CLASP2: variants seen among roughly 807,000 people sequenced by gnomAD.
CLASP2 encodes cytoplasmic linker associated protein 2.
A neutral mutation model predicts 194.4 loss-of-function variants in CLASP2; 47 were observed. The observed-to-expected ratio is 0.24, with a 90% CI of 0.19 to 0.31. CLASP2 has a LOEUF of 0.31. CLASP2 is among the 10% of genes least tolerant of loss of function. The probability of loss-of-function intolerance (pLI) is 1.00; values close to 1 mark genes in which losing one functional copy is unlikely to be tolerated. For missense variants in CLASP2, 1,445 were observed against 1,823.6 expected, an observed-to-expected ratio of 0.79 and a Z score of 3.78; for synonymous variants, 619 against 633.5, an observed-to-expected ratio of 0.98 and a Z score of 0.34.
At chr3:33,586,668 C>T (rs1354248192) in intron 21 of CLASP2, among the ~76,000 whole-genome samples, 1 of 152,058 alleles carries the variant, frequency 6.6e-6, no homozygotes, top group Non-Finnish European at 1.5e-5. Flanking sequence ...AAGATATAAT[C>T]TAAATGTAGA....
intron 12 of CLASP2, among the ~76,000 whole-genome samples, chr3:33,616,812 A>C (rs2076258836): frequency 7.4e-6 from 1 of 135,328 alleles, no homozygotes; most frequent in Non-Finnish European, 1.5e-5. Context: ...ATCTCGGCTC[A>C]CTGCAACCTC....
intron 21 of CLASP2, among the ~76,000 whole-genome samples, chr3:33,586,819 A>G (rs1199518602): frequency 2.0e-5 from 3 of 152,122 alleles, no homozygotes; most frequent in Non-Finnish European, 4.4e-5. Flanking sequence ...ATCAGGCTTC[A>G]TTTCCACAGA....
At chr3:33,549,772 T>C (rs923917020) in intron 30 of CLASP2, among the ~76,000 whole-genome samples, 7 of 151,268 alleles carry the variant, frequency 4.6e-5, no homozygotes, top group Non-Finnish European at 1.0e-4. Context: ...AAGGTCTCAC[T>C]CTGTCACCCA....
At chr3:33,573,555 T>G (rs2064205072) in intron 24 of CLASP2, 2 of 639,632 alleles carry the variant, frequency 3.1e-6, no homozygotes, top group Non-Finnish European at 5.6e-6. Context: ...AAAATAATCC[T>G]TAACTATGGG....
intron 34 of CLASP2, among the ~76,000 whole-genome samples, chr3:33,519,696 TTTTTTTC>T (rs1374327167): frequency 2.0e-5 from 3 of 152,200 alleles, no homozygotes; most frequent in Non-Finnish European, 4.4e-5. Context: ...CTGCTTTAGT[TTTTTTTC>T]TTTTTTCTTT....
intron 1 of CLASP2, among the ~76,000 whole-genome samples, chr3:33,706,798 G>GA (rs963707765): frequency 5.9e-5 from 9 of 151,310 alleles, no homozygotes; most frequent in Non-Finnish European, 1.2e-4. Flanking sequence ...CCTATCTCTA[G>GA]AAAAAAAAAT....
chr3:33,656,681 G>A (rs1440684318), intron 7 of CLASP2, among the ~76,000 whole-genome samples: 1 of 152,086 alleles, frequency 6.6e-6, no homozygotes, highest in Non-Finnish European at 1.5e-5. Flanking sequence ...TTGTACAAAG[G>A]TGCTTATTTC....
At chr3:33,534,825 G>A (rs555787475) in intron 34 of CLASP2, among the ~76,000 whole-genome samples, 1 of 152,264 alleles carries the variant, frequency 6.6e-6, no homozygotes, top group South Asian at 2.1e-4. Flanking sequence ...TCCTTGAAAT[G>A]TATTTTATTA....
chr3:33,583,854 A>G (rs1301512241), intron 22 of CLASP2, among the ~76,000 whole-genome samples: 1 of 152,222 alleles, frequency 6.6e-6, no homozygotes, highest in Non-Finnish European at 1.5e-5. Context: ...ATCAAGTAGC[A>G]GCTATCCTAA....
Position 33,538,785 on chromosome 3 carries a change from T to C in CLASP2, c.3558+4A>G. On this transcript the variant is annotated splice_donor_region_variant and intron_variant, in intron 33 of 38. Coordinates refer to ENST00000682230, the MANE Select transcript of CLASP2 (RefSeq NM_001365631.1). ...CTGGAAAGTAAGGATATTAAAATAC[T>C]TACTGAATCGCCATCATCTTTTTTA... 3 of 1,565,934 alleles carry C rather than the reference T, an allele frequency of 1.9e-6. No individual in the cohort carries two copies. Among genetic ancestry groups the C allele is most frequent in the Non-Finnish European group, 2.6e-6 (3 of 1,159,616 alleles).
In CLASP2 at chr3:33,576,239, G is replaced by A. The variant is rs770540550; in HGVS notation, c.2384C>T (p.Ser795Leu). 8.1e-6 allele frequency: 13 copies of A among 1,613,634 alleles called. No homozygotes were observed. Among genetic ancestry groups the A allele is most frequent in the African/African-American group, 6.7e-5 (5 of 74,892 alleles). Residue 795 changes from serine (S) to leucine (L), a missense_variant, in exon 24 of 39, where the codon TCG becomes TTG. Coordinates refer to ENST00000682230, the MANE Select transcript of CLASP2 (RefSeq NM_001365631.1). ...GYGISQSSRL[S>L]SSVSAMRVLN... ...GACTCGCATGGCACTAACAGAAGAC[G>A]ACAGTCGACTTGATTGGCTGATCCC...
intron 21 of CLASP2, among the ~76,000 whole-genome samples, chr3:33,586,265 G>A (rs1027253374): frequency 2.6e-5 from 4 of 151,992 alleles, no homozygotes; most frequent in African/African-American, 4.8e-5. Context: ...TTCCTGAGTA[G>A]GTGGGATTAT....
intron 33 of CLASP2, among the ~76,000 whole-genome samples, chr3:33,537,863 C>T (rs1036423338): frequency 2.0e-5 from 3 of 152,074 alleles, no homozygotes; most frequent in East Asian, 3.9e-4. Flanking sequence ...CAATGTGGGT[C>T]GGGCGCAGTG....
intron 22 of CLASP2, among the ~76,000 whole-genome samples, chr3:33,582,961 A>G (rs1442238198): frequency 6.6e-6 from 1 of 152,252 alleles, no homozygotes; most frequent in African/African-American, 2.4e-5. Flanking sequence ...CATCTACTCA[A>G]TAAAGACATT....
chr3:33,532,297 A>G (rs1276950356), intron 34 of CLASP2, among the ~76,000 whole-genome samples: 1 of 152,210 alleles, frequency 6.6e-6, no homozygotes, highest in Admixed American at 6.5e-5. Flanking sequence ...GTATGACTCC[A>G]CTTATAGAGT....
At chr3:33,634,080 A>G (rs2079629934) in intron 8 of CLASP2, among the ~76,000 whole-genome samples, 1 of 152,238 alleles carries the variant, frequency 6.6e-6, no homozygotes, top group Non-Finnish European at 1.5e-5. Flanking sequence ...CTCCAAAGAC[A>G]GAGACAGTAA....
At chr3:33,508,007 T>A (rs144398417) in intron 37 of CLASP2, among the ~76,000 whole-genome samples, 1 of 150,814 alleles carries the variant, frequency 6.6e-6, no homozygotes, top group Non-Finnish European at 1.5e-5. Context: ...ATATATATAT[T>A]TTTTGGAGAC....
chr3:33,683,981 T>C (rs2154344795), intron 6 of CLASP2, among the ~76,000 whole-genome samples: 1 of 147,928 alleles, frequency 6.8e-6, no homozygotes, highest in Non-Finnish European at 1.5e-5. Context: ...CAGTGACTCA[T>C]GCCTGTAATC....
At chr3:33,622,006 A>G (rs1333726558) in intron 11 of CLASP2, 129 bp downstream of exon 11, 12 of 626,536 alleles carry the variant, frequency 1.9e-5, no homozygotes, top group Middle Eastern at 9.6e-4. Flanking sequence ...ATCCTTATGT[A>G]TAATAAAAAT....
Sources: gnomAD v4.1 joint callset for allele counts (sites outside exome capture counted in the v4.1 genomes callset) on GRCh38, gnomAD v4.1.1 for gene constraint, MANE v1.5 for transcripts, NCBI Gene and HGNC (gene_info 2026-07-23, HGNC 2026-07-21) for gene names.